The following RIC1 variants were observed in gnomAD, a reference collection of about 807,000 sequenced individuals.
RIC1 encodes the protein RIC1 partner of RAB6A GEF complex, also known as guanine nucleotide exchange factor subunit RIC1.
A neutral mutation model predicts 169.0 loss-of-function variants in RIC1; 88 were observed. That is an observed-to-expected ratio of 0.52 (90% CI 0.44 to 0.62). The LOEUF is 0.62. Among genes scored for constraint, RIC1 ranks in the 20% least tolerant of loss-of-function variants. RIC1 has a pLI of 0.00. For missense variants in RIC1, 1,877 were observed against 1,725.5 expected, an observed-to-expected ratio of 1.09 and a Z score of -1.56; for synonymous variants, 790 against 601.5, an observed-to-expected ratio of 1.31 and a Z score of -4.59.
chr9:5,755,070 A>G, intron 15 of RIC1, 140 bp downstream of exon 15: 2 of 475,578 alleles, frequency 4.2e-6, no homozygotes, highest in Non-Finnish European at 7.0e-6. Context: ...TCTTTTAGGT[A>G]GTGGGATTTT....
intron 3 of RIC1, among the ~76,000 whole-genome samples, chr9:5,702,463 C>A: frequency 6.6e-6 from 1 of 152,138 alleles, no homozygotes; most frequent in Non-Finnish European, 1.5e-5. Flanking sequence ...ACGGCCAGAG[C>A]AGGAAGCCGG....
At chr9:5,678,872 G>T (rs1820623097) in intron 2 of RIC1, among the ~76,000 whole-genome samples, 1 of 151,884 alleles carries the variant, frequency 6.6e-6, no homozygotes, top group Non-Finnish European at 1.5e-5. Context: ...GTCAATTTTG[G>T]CTTTTGTTGC....
intron 10 of RIC1, among the ~76,000 whole-genome samples, chr9:5,745,296 A>G (rs1254583046): frequency 6.6e-6 from 1 of 152,212 alleles, no homozygotes; most frequent in Non-Finnish European, 1.5e-5. Context: ...CTTGGCTTGA[A>G]GATTGAGAAT....
At chr9:5,671,745 G>A (rs887826313) in intron 2 of RIC1, among the ~76,000 whole-genome samples, 1 of 152,140 alleles carries the variant, frequency 6.6e-6, no homozygotes, top group Non-Finnish European at 1.5e-5. Context: ...CTCTTCTCAG[G>A]AGTATAAACA....
At chr9:5,747,528 C>G (rs751559455) in intron 12 of RIC1, 23 bp downstream of exon 12, 5 of 1,574,292 alleles carry the variant, frequency 3.2e-6, no homozygotes, top group Non-Finnish European at 4.4e-6. Context: ...TTACTGATTA[C>G]TAGAGACTTA....
chr9:5,773,987 T>G lies in RIC1; in HGVS notation c.4013T>G (p.Ile1338Ser), dbSNP rs773410477. ...CPGYKPFLNI[I>S]KPQLQKLSEI... ...GGATATAAGCCATTTTTAAACATCA[T>G]TAAGCCACAACTGCAGAAGCTCAGT... The change falls in exon 26 of 26, where the codon ATT becomes AGT. Residue 1338 changes from isoleucine to serine, a missense_variant. Coordinates refer to ENST00000414202, the MANE Select transcript of RIC1 (RefSeq NM_020829.4). The G allele has an allele frequency of 6.2e-7, 1 of 1,610,692 alleles. No individual in the cohort carries two copies. The highest frequency in any genetic ancestry group is 1.1e-5 in the South Asian group (1 of 90,788).
At chr9:5,769,317 CA>C in intron 22 of RIC1, 61 bp downstream of exon 22, 1 of 1,613,900 alleles carries the variant, frequency 6.2e-7, no homozygotes, top group Non-Finnish European at 8.5e-7. Flanking sequence ...TGTATTTACA[CA>C]TTTTGCTATT....
At chr9:5,723,487 AT>A (rs1341135699) in intron 6 of RIC1, among the ~76,000 whole-genome samples, 3 of 151,686 alleles carry the variant, frequency 2.0e-5, no homozygotes, top group Admixed American at 1.3e-4. Context: ...GATGGTAAAA[AT>A]TTTTTCCCAT....
chr9:5,763,298 C>A lies in RIC1; in HGVS notation c.2271C>A (p.His757Gln). ...KVWLPLFPRD[H>Q]RKPHSFLSQR... ...GGCTCCCTCTCTTCCCTAGGGATCA[C>A]CGCAAGCCCCATTCCTTCTTGTCCC... The change falls in exon 19 of 26, where the codon CAC (histidine) becomes CAA (glutamine). Residue 757 changes from histidine to glutamine, a missense_variant. Coordinates refer to ENST00000414202, the MANE Select transcript of RIC1 (RefSeq NM_020829.4). This position sits in a 1 kb window ranked among gnomAD's most constrained non-coding sequence, Gnocchi z 5.2. The A allele has an allele frequency of 6.2e-7, 1 of 1,614,186 alleles. No homozygotes were observed. Among genetic ancestry groups the A allele is most frequent in the Non-Finnish European group, 8.5e-7 (1 of 1,180,040 alleles).
intron 1 of RIC1, among the ~76,000 whole-genome samples, chr9:5,633,347 C>T (rs531618430): frequency 6.8e-4 from 103 of 152,260 alleles, no homozygotes; most frequent in African/African-American, 2.4e-3. Flanking sequence ...TATAAATTCA[C>T]TGCTCTGAAG....
chr9:5,630,337 T>TCC (rs35323830), intron 1 of RIC1, among the ~76,000 whole-genome samples: 2 of 152,240 alleles, frequency 1.3e-5, no homozygotes, highest in Non-Finnish European at 2.9e-5. Context: ...ATGCTTTTTT[T>TCC]CCTCCCCAAA....
intron 4 of RIC1, among the ~76,000 whole-genome samples, chr9:5,717,791 C>T (rs565601968): frequency 1.5e-4 from 22 of 144,372 alleles, no homozygotes; most frequent in African/African-American, 4.2e-4. Flanking sequence ...GAGCTGAGAT[C>T]GCGCCACTGC....
intron 3 of RIC1, among the ~76,000 whole-genome samples, chr9:5,700,403 A>T (rs1272194698): frequency 6.6e-6 from 1 of 152,104 alleles, no homozygotes; most frequent in African/African-American, 2.4e-5. Flanking sequence ...ATTTATTTAG[A>T]GTTTACTTTG....
At chr9:5,661,061 C>T (rs1819422243) in intron 2 of RIC1, among the ~76,000 whole-genome samples, 1 of 152,132 alleles carries the variant, frequency 6.6e-6, no homozygotes, top group East Asian at 1.9e-4. Flanking sequence ...TACAGCTAGC[C>T]AGTACTCCCA....
chr9:5,663,814 G>A (rs1819596035), intron 2 of RIC1, among the ~76,000 whole-genome samples: 1 of 152,086 alleles, frequency 6.6e-6, no homozygotes, highest in African/African-American at 2.4e-5. Context: ...TACATTTAAG[G>A]TTAGTATTGT....
chr9:5,753,544 T>G lies in RIC1; in HGVS notation c.1500T>G (p.Ala500=). 3.8e-6 allele frequency: 6 copies of G among 1,593,468 alleles called. No individual in the cohort carries two copies. The highest frequency in any genetic ancestry group is 5.1e-6 in the Non-Finnish European group (6 of 1,169,408). Residue 500 remains alanine (A), a synonymous_variant, in exon 14 of 26, where the codon GCT becomes GCG. Transcript: ENST00000414202. ...LESNWPIRFS[A]IDKLGQNIAV... The stretch of plus-strand genomic sequence containing the variant: ...TTTTTTTTTTTAAACAGTTTTCAGC[T>G]ATTGATAAGCTTGGACAGAATATTG...
At chr9:5,691,824 G>C (rs563399006) in intron 3 of RIC1, among the ~76,000 whole-genome samples, 2 of 152,074 alleles carry the variant, frequency 1.3e-5, no homozygotes, top group South Asian at 2.1e-4. Context: ...GGGCATGGTA[G>C]AGAAATAACT....
chr9:5,630,550 C>T (rs981138004), intron 1 of RIC1, among the ~76,000 whole-genome samples: 1 of 152,194 alleles, frequency 6.6e-6, no homozygotes. Context: ...CCTGGTAATA[C>T]TGGTGATGGG....
intron 3 of RIC1, among the ~76,000 whole-genome samples, chr9:5,697,987 T>C (rs1014341041): frequency 1.3e-5 from 2 of 152,208 alleles, no homozygotes; most frequent in African/African-American, 4.8e-5. Flanking sequence ...TTGAGTTCTA[T>C]ACTTGGGAGA....
Sources: gnomAD v4.1 joint callset for allele counts (sites outside exome capture counted in the v4.1 genomes callset) on GRCh38, gnomAD v4.1.1 for gene constraint, Gnocchi (gnomAD v3.1) non-coding constraint, MANE v1.5 for transcripts, NCBI Gene and HGNC (gene_info 2026-07-23, HGNC 2026-07-21) for gene names.